Variants in ITPR2 observed in about 807,000 individuals in gnomAD.
ITPR2 encodes inositol 1,4,5-trisphosphate receptor type 2.
In ITPR2, 207 loss-of-function variants were observed where a neutral mutation model predicts 317.1. That is an observed-to-expected ratio of 0.65 (90% CI 0.58 to 0.73). ITPR2 has a LOEUF of 0.73. ITPR2 is among the 30% of genes least tolerant of loss of function. ITPR2 has a pLI of 0.00. For missense variants in ITPR2, 2,613 were observed against 3,284.0 expected (o/e 0.80, Z 4.99); for synonymous variants, 1,156 against 1,149.1 (o/e 1.01, Z -0.12).
chr12:26,472,582 C>T (rs1046044574), intron 45 of ITPR2, among the ~76,000 whole-genome samples: 2 of 151,860 alleles, frequency 1.3e-5, no homozygotes, highest in Non-Finnish European at 2.9e-5. Context: ...GTTGTTTTAA[C>T]GCCTTGTAAC....
chr12:26,621,852 G>GT (rs1490357252), intron 25 of ITPR2, among the ~76,000 whole-genome samples: 7 of 151,958 alleles, frequency 4.6e-5, no homozygotes, highest in Non-Finnish European at 1.5e-5. Context: ...ATAACAGTTC[G>GT]TTTTTTTGGA....
chr12:26,566,510 GGAGGAA>G (rs1410178443), intron 34 of ITPR2, among the ~76,000 whole-genome samples: 1 of 141,840 alleles, frequency 7.1e-6, no homozygotes, highest in Admixed American at 7.0e-5. Context: ...AGGAGGAAGA[GGAGGAA>G]GAGGAGGAGG....
intron 2 of ITPR2, among the ~76,000 whole-genome samples, chr12:26,729,303 C>A (rs575304538): frequency 1.3e-5 from 2 of 152,146 alleles, no homozygotes; most frequent in East Asian, 3.9e-4. Flanking sequence ...ACTAAAGAGT[C>A]AAAAATAACA....
chr12:26,415,740 C>A (rs560357120), intron 50 of ITPR2, among the ~76,000 whole-genome samples: 1 of 152,252 alleles, frequency 6.6e-6, no homozygotes, highest in South Asian at 2.1e-4. Flanking sequence ...GGTTTCAAAA[C>A]CAACATAATA....
chr12:26,613,146 G>A (rs1946309467), intron 26 of ITPR2, among the ~76,000 whole-genome samples: 1 of 152,126 alleles, frequency 6.6e-6, no homozygotes, highest in South Asian at 2.1e-4. Flanking sequence ...GTGCACAAAG[G>A]CAAGTTAGCA....
intron 2 of ITPR2, among the ~76,000 whole-genome samples, chr12:26,747,653 C>T (rs1202667994): frequency 2.0e-5 from 3 of 152,168 alleles, no homozygotes; most frequent in Non-Finnish European, 2.9e-5. Context: ...TGGCTCATCA[C>T]CTCTCAGCAG....
chr12:26,811,609 C>G (rs1950749629), intron 1 of ITPR2, among the ~76,000 whole-genome samples: 1 of 151,602 alleles, frequency 6.6e-6, no homozygotes. Context: ...ATGGCATGAA[C>G]CCGGGGGGCA....
Position 26,658,002 on chromosome 12 carries a change from T to C in ITPR2, c.2006+9A>G. 6.2e-7 allele frequency: 1 copy of C among 1,606,886 alleles called. No homozygotes were observed. ...ACAGGAAAATGATGCATCCATTATC[T>C]GGGCTTACTTAGTTTGAATGAGAAT... On this transcript the variant is annotated intron_variant, in intron 17 of 56. Transcript: ENST00000381340.
At chr12:26,607,806 C>T (rs182163223) in intron 26 of ITPR2, among the ~76,000 whole-genome samples, 58 of 152,236 alleles carry the variant, frequency 3.8e-4, no homozygotes, top group African/African-American at 1.1e-3. Flanking sequence ...GGCGGCCGGG[C>T]GCAGTGGCTC....
intron 21 of ITPR2, among the ~76,000 whole-genome samples, chr12:26,637,349 T>C (rs1192888479): frequency 3.9e-5 from 6 of 152,150 alleles, no homozygotes; most frequent in Admixed American, 3.9e-4. Flanking sequence ...TAGTATAGCA[T>C]GGACAGCACA....
At chr12:26,788,552 C>T (rs1341126961) in intron 2 of ITPR2, among the ~76,000 whole-genome samples, 1 of 152,110 alleles carries the variant, frequency 6.6e-6, no homozygotes, top group Non-Finnish European at 1.5e-5. Flanking sequence ...TTGTTATTTA[C>T]CATCACTACT....
chr12:26,801,309 T>A, intron 1 of ITPR2: 1 of 171,904 alleles, frequency 5.8e-6, no homozygotes, highest in Non-Finnish European at 1.3e-5. Context: ...CAAAATTTGT[T>A]GGCAAATGAT....
intron 39 of ITPR2, among the ~76,000 whole-genome samples, chr12:26,490,084 T>C (rs1369560438): frequency 1.3e-5 from 2 of 152,218 alleles, no homozygotes; most frequent in African/African-American, 2.4e-5. Flanking sequence ...TTTTCATATA[T>C]AAGAGTAATT....
Position 26,655,506 on chromosome 12 carries a change from CG to C in ITPR2, c.2589+201del, listed in dbSNP as rs528165197. ...GCAGGCGCCTGTAGTCCCAGCTACT[CG>C]GGAGGCTGAGGCAGGAGAATGGCGT... is the stretch of plus-strand genomic sequence containing the variant. On this transcript the variant is annotated intron_variant, in intron 20 of 56. Transcript: ENST00000381340. 5.3e-5 allele frequency among the ~76,000 whole-genome samples: 8 copies of C among 149,874 alleles called. No homozygotes were observed. In the East Asian group the frequency reaches 1.6e-3, roughly 30 times the overall value.
rs199876257 is a variant in ITPR2, at chr12:26,423,526, C to CTT, written c.6946-4315_6946-4314dup. 2.1e-4 allele frequency among the ~76,000 whole-genome samples: 32 copies of CTT among 152,152 alleles called. No homozygotes were observed. In the East Asian group the frequency reaches 4.6e-3, roughly 22 times the overall value. On this transcript the variant is annotated intron_variant, in intron 49 of 56. Transcript: ENST00000381340. ...ATTGTAGGTAAGAAGTTTAAAAGAT[C>CTT]TTTTTGTAATATTTTACTACATTGT...
intron 9 of ITPR2, among the ~76,000 whole-genome samples, chr12:26,704,630 T>A (rs926062826): frequency 6.8e-6 from 1 of 146,540 alleles, no homozygotes; most frequent in Non-Finnish European, 1.5e-5. Flanking sequence ...CTACTCTGCA[T>A]TTTCTCTCTG....
chr12:26,646,225 T>C (rs1947111178), intron 21 of ITPR2, among the ~76,000 whole-genome samples: 1 of 152,194 alleles, frequency 6.6e-6, no homozygotes, highest in Middle Eastern at 3.2e-3. Context: ...GCAAAGATCA[T>C]ATTTAGACTA....
intron 20 of ITPR2, 31 bp from the exon 21 acceptor site, chr12:26,654,157 A>C: frequency 6.8e-7 from 1 of 1,473,452 alleles, no homozygotes; most frequent in Non-Finnish European, 9.1e-7. Context: ...GGGGAGGGGG[A>C]GGGTGAAAGA....
At chr12:26,603,671 T>G (rs778838009) in intron 26 of ITPR2, among the ~76,000 whole-genome samples, 1 of 152,180 alleles carries the variant, frequency 6.6e-6, no homozygotes, top group Non-Finnish European at 1.5e-5. Context: ...TAGACAAGTT[T>G]ACGAAGGAGG....
Sources: gnomAD v4.1 joint callset for allele counts (sites outside exome capture counted in the v4.1 genomes callset) on GRCh38, gnomAD v4.1.1 for gene constraint, MANE v1.5 for transcripts, NCBI Gene and HGNC (gene_info 2026-07-23, HGNC 2026-07-21) for gene names.